Variants in NRXN3 observed in about 807,000 individuals in gnomAD.
The protein encoded by NRXN3 is neurexin III.
In NRXN3, 32 loss-of-function variants were observed where a neutral mutation model predicts 137.6. The ratio of observed to expected loss-of-function variants is 0.23; its 90% CI spans 0.18 to 0.31. The LOEUF is 0.31. Among genes scored for constraint, NRXN3 ranks in the 10% least tolerant of loss-of-function variants. The pLI is 1.00. For missense variants in NRXN3, 1,574 were observed against 2,062.5 expected, an observed-to-expected ratio of 0.76 and a Z score of 4.59; for synonymous variants, 798 against 784.5, an observed-to-expected ratio of 1.02 and a Z score of -0.29.
At chr14:79,205,209 G>A (rs1429707426) in intron 15 of NRXN3, among the ~76,000 whole-genome samples, 1 of 152,170 alleles carries the variant, frequency 6.6e-6, no homozygotes, top group Non-Finnish European at 1.5e-5. Flanking sequence ...ACTTGAAAAT[G>A]GAATGCCCTG....
intron 19 of NRXN3, among the ~76,000 whole-genome samples, chr14:79,751,961 G>A (rs1190060824): frequency 6.6e-6 from 1 of 152,132 alleles, no homozygotes; most frequent in African/African-American, 2.4e-5. Context: ...ATGCGCTGCT[G>A]GATTCGGTTT....
At chr14:79,859,463 A>C (rs2099409816) in intron 20 of NRXN3, among the ~76,000 whole-genome samples, 1 of 152,174 alleles carries the variant, frequency 6.6e-6, no homozygotes, top group Non-Finnish European at 1.5e-5. Context: ...AAGGTGTGGA[A>C]AGGTTGCATC....
intron 8 of NRXN3, among the ~76,000 whole-genome samples, chr14:78,763,157 C>T (rs2098698233): frequency 6.6e-6 from 1 of 152,184 alleles, no homozygotes; most frequent in Non-Finnish European, 1.5e-5. Context: ...GTCCCCTTTG[C>T]TACAGGTCCA....
rs191862993 is a variant in NRXN3 at position 79,360,174 on chromosome 14, T to G, written c.3263-107047T>G. ...TACGGGAATTGTAACCGTAGCTTCC[T>G]CCCAACTCCCATTAACTTCCTGCAT... On this transcript the variant is annotated intron_variant, in intron 15 of 20. Transcript: ENST00000335750. Among the ~76,000 whole-genome samples, 47 of 152,360 alleles carry G rather than the reference T, an allele frequency of 3.1e-4. No homozygotes were observed. In the East Asian group the frequency reaches 7.3e-3, roughly 24 times the overall value.
At chr14:79,261,335 G>A (rs1183687933) in intron 15 of NRXN3, among the ~76,000 whole-genome samples, 2 of 152,136 alleles carry the variant, frequency 1.3e-5, no homozygotes, top group Non-Finnish European at 2.9e-5. Flanking sequence ...CTCCACAGGC[G>A]AGATCTCCTG....
chr14:79,369,713 T>C (rs534697633), intron 15 of NRXN3, among the ~76,000 whole-genome samples: 1 of 152,222 alleles, frequency 6.6e-6, no homozygotes, highest in Non-Finnish European at 1.5e-5. Context: ...CTTCTCACTT[T>C]AATCAGTTTA....
intron 4 of NRXN3, among the ~76,000 whole-genome samples, chr14:78,601,296 T>C (rs1290484402): frequency 6.6e-6 from 1 of 152,168 alleles, no homozygotes; most frequent in African/African-American, 2.4e-5. Context: ...CTTTCCGAAG[T>C]TCTCAACTGA....
At chr14:78,750,226 C>T (rs896677719) in intron 8 of NRXN3, among the ~76,000 whole-genome samples, 2 of 152,230 alleles carry the variant, frequency 1.3e-5, no homozygotes, top group African/African-American at 4.8e-5. Context: ...TTGAGAACAG[C>T]ACCTTTGTAG....
At chr14:78,281,215 G>A (rs1169835028) in intron 3 of NRXN3, among the ~76,000 whole-genome samples, 1 of 152,158 alleles carries the variant, frequency 6.6e-6, no homozygotes, top group Non-Finnish European at 1.5e-5. Context: ...GTCAGTGGGG[G>A]CCTCCTGCCT....
intron 4 of NRXN3, among the ~76,000 whole-genome samples, chr14:78,345,060 G>A (rs756728045): frequency 6.6e-5 from 10 of 152,310 alleles, no homozygotes; most frequent in South Asian, 2.1e-4. Context: ...AAAGGGAATT[G>A]TGAGATGTCT....
At chr14:79,453,124 C>T (rs1315609306) in intron 15 of NRXN3, among the ~76,000 whole-genome samples, 2 of 151,890 alleles carry the variant, frequency 1.3e-5, no homozygotes, top group Non-Finnish European at 2.9e-5. Flanking sequence ...AGAATTATTT[C>T]ATTCAAAAGA....
At chr14:79,655,604 A>G (rs2098501865) in intron 16 of NRXN3, among the ~76,000 whole-genome samples, 1 of 152,102 alleles carries the variant, frequency 6.6e-6, no homozygotes, top group Admixed American at 6.5e-5. Context: ...TACATGCTCT[A>G]TGGATATTTG....
chr14:79,317,620 C>CAGGAAGGA, intron 15 of NRXN3, among the ~76,000 whole-genome samples: 1 of 152,120 alleles, frequency 6.6e-6, no homozygotes, highest in African/African-American at 2.4e-5. Context: ...CAACTCAGGA[C>CAGGAAGGA]AGGAAGGAAA....
At chr14:78,248,624 G>A (rs574286573) in intron 2 of NRXN3, among the ~76,000 whole-genome samples, 5 of 151,930 alleles carry the variant, frequency 3.3e-5, no homozygotes, top group Non-Finnish European at 5.9e-5. Context: ...GTAAGAACCC[G>A]GTCATTTCCT....
intron 19 of NRXN3, among the ~76,000 whole-genome samples, chr14:79,725,279 G>C (rs1391850463): frequency 1.3e-5 from 2 of 152,122 alleles, no homozygotes; most frequent in Non-Finnish European, 2.9e-5. Flanking sequence ...TTTCCATTTT[G>C]CAAAACAAGA....
At chr14:78,274,496 G>C (rs1360381630) in intron 2 of NRXN3, among the ~76,000 whole-genome samples, 1 of 152,162 alleles carries the variant, frequency 6.6e-6, no homozygotes, top group African/African-American at 2.4e-5. Flanking sequence ...TCCCTCCCAT[G>C]ACTTGTGGGG....
At chr14:78,197,969 C>A (rs2061371855) in intron 1 of NRXN3, among the ~76,000 whole-genome samples, 1 of 152,194 alleles carries the variant, frequency 6.6e-6, no homozygotes, top group African/African-American at 2.4e-5. Flanking sequence ...TACCCAGAGG[C>A]AGGAATCATT....
At chr14:78,471,459 A>G (rs1394761949) in intron 4 of NRXN3, among the ~76,000 whole-genome samples, 1 of 152,076 alleles carries the variant, frequency 6.6e-6, no homozygotes, top group Non-Finnish European at 1.5e-5. Context: ...ACCATCAGAC[A>G]TTTTCTTGGT....
intron 8 of NRXN3, among the ~76,000 whole-genome samples, chr14:78,780,355 A>G (rs74064967): frequency 0.014 from 2,079 of 152,326 alleles, 48 homozygotes; most frequent in African/African-American, 0.047. Flanking sequence ...TAAAATTTTT[A>G]TAAGAAAATA....
Sources: allele counts gnomAD v4.1 joint callset (sites outside exome capture counted in the v4.1 genomes callset), GRCh38; gene constraint gnomAD v4.1.1; transcripts MANE v1.5; gene names NCBI Gene and HGNC (gene_info 2026-07-23, HGNC 2026-07-21).